PDSS2: variants seen among roughly 807,000 people sequenced by gnomAD.
PDSS2 encodes the protein decaprenyl diphosphate synthase subunit 2.
Under a neutral mutation model 44.5 loss-of-function variants are expected in PDSS2, and 31 were observed. That is an observed-to-expected ratio of 0.70 (90% confidence interval 0.52 to 0.94). The LOEUF is 0.94. PDSS2 is among the 40% of genes least tolerant of loss of function. The probability of loss-of-function intolerance (pLI) is 0.00; values close to 1 mark genes in which losing one functional copy is unlikely to be tolerated. For synonymous variants in PDSS2, 157 were observed against 180.3 expected (o/e 0.87, Z 1.03); for missense variants, 452 against 482.2 (o/e 0.94, Z 0.59).
chr6:107,311,412 T>C (rs1777043073), intron 2 of PDSS2, among the ~76,000 whole-genome samples: 1 of 152,094 alleles, frequency 6.6e-6, no homozygotes, highest in Non-Finnish European at 1.5e-5. Flanking sequence ...TTCATTATGT[T>C]GCCCAGGCTA....
At chr6:107,165,250 C>T (rs1771300538) in intron 7 of PDSS2, among the ~76,000 whole-genome samples, 1 of 152,106 alleles carries the variant, frequency 6.6e-6, no homozygotes, top group Non-Finnish European at 1.5e-5. Context: ...GTGCCTATGT[C>T]CTGAATGGCA....
intron 2 of PDSS2, among the ~76,000 whole-genome samples, chr6:107,317,127 T>A (rs950103186): frequency 6.6e-6 from 1 of 151,786 alleles, no homozygotes; most frequent in African/African-American, 2.4e-5. Context: ...GACAGAGGAG[T>A]ATGGCCAACC....
chr6:107,239,338 G>A (rs1478136434), intron 4 of PDSS2, among the ~76,000 whole-genome samples: 1 of 152,054 alleles, frequency 6.6e-6, no homozygotes, highest in Non-Finnish European at 1.5e-5. Context: ...CCCAAAATGT[G>A]AAATTGTTCA....
intron 1 of PDSS2, among the ~76,000 whole-genome samples, chr6:107,335,390 G>C (rs1293323250): frequency 6.6e-6 from 1 of 152,162 alleles, no homozygotes; most frequent in Non-Finnish European, 1.5e-5. Context: ...GATGACGGTG[G>C]TAAACAGTAG....
chr6:107,242,353 T>A (rs1774465468), intron 4 of PDSS2, among the ~76,000 whole-genome samples: 1 of 152,072 alleles, frequency 6.6e-6, no homozygotes. Context: ...AAGCTCCGCC[T>A]CCTGGGTTCA....
intron 2 of PDSS2, among the ~76,000 whole-genome samples, chr6:107,307,395 A>G (rs912623866): frequency 6.6e-6 from 1 of 152,216 alleles, no homozygotes; most frequent in African/African-American, 2.4e-5. Flanking sequence ...CATTCAAATC[A>G]GCGTACTTGA....
chr6:107,197,804 A>G (rs1336654433), intron 6 of PDSS2: 5 of 470,884 alleles, frequency 1.1e-5, no homozygotes, highest in Admixed American at 2.4e-5. Context: ...TGCTCTCTCA[A>G]TATTCTCATC....
At chr6:107,289,575 G>A (rs1018935713) in intron 2 of PDSS2, among the ~76,000 whole-genome samples, 1 of 150,918 alleles carries the variant, frequency 6.6e-6, no homozygotes, top group Admixed American at 6.6e-5. Flanking sequence ...GTGTGCCCTT[G>A]TCCTAGCTAC....
intron 7 of PDSS2, among the ~76,000 whole-genome samples, chr6:107,164,955 T>C (rs1771287297): frequency 6.6e-6 from 1 of 152,244 alleles, no homozygotes; most frequent in Non-Finnish European, 1.5e-5. Context: ...ATTGGCTGCA[T>C]AAATGTCTTC....
chr6:107,261,845 C>T (rs1775240608), intron 3 of PDSS2, among the ~76,000 whole-genome samples: 1 of 150,406 alleles, frequency 6.6e-6, no homozygotes, highest in South Asian at 2.1e-4. Context: ...TCCCAATGTG[C>T]TAGAATTACA....
intron 1 of PDSS2, among the ~76,000 whole-genome samples, chr6:107,367,243 A>T (rs1486888146): frequency 6.6e-6 from 1 of 152,236 alleles, no homozygotes; most frequent in South Asian, 2.1e-4. Context: ...AATAAAGGAC[A>T]AAAAACACAT....
chr6:107,294,313 T>C (rs762013436), intron 2 of PDSS2, among the ~76,000 whole-genome samples: 2 of 152,154 alleles, frequency 1.3e-5, no homozygotes, highest in Non-Finnish European at 2.9e-5. Flanking sequence ...AACCTAGGTA[T>C]CTAGAGACAC....
chr6:107,381,640 T>C (rs922590595), intron 1 of PDSS2, among the ~76,000 whole-genome samples: 1 of 152,222 alleles, frequency 6.6e-6, no homozygotes, highest in South Asian at 2.1e-4. Flanking sequence ...TCCAGTTTCA[T>C]GAAACTCAAC....
At chr6:107,160,694 T>C (rs1330305503) in intron 7 of PDSS2, among the ~76,000 whole-genome samples, 1 of 149,640 alleles carries the variant, frequency 6.7e-6, no homozygotes, top group Non-Finnish European at 1.5e-5. Context: ...GGCTTGGGAG[T>C]AGCAAGGAAA....
chr6:107,201,470 C>G (rs1772774946), intron 6 of PDSS2, among the ~76,000 whole-genome samples: 1 of 147,696 alleles, frequency 6.8e-6, no homozygotes, highest in African/African-American at 2.5e-5. Flanking sequence ...GGTTTATATA[C>G]CAGTCTCTGT....
chr6:107,397,461 G>C (rs1281060706), intron 1 of PDSS2, among the ~76,000 whole-genome samples: 1 of 152,156 alleles, frequency 6.6e-6, no homozygotes, highest in Non-Finnish European at 1.5e-5. Flanking sequence ...CTTTTGACCT[G>C]TGAGTACATG....
At chr6:107,408,668 TCTGCCACACCTA>T (rs1324765843) in intron 1 of PDSS2, among the ~76,000 whole-genome samples, 2 of 152,196 alleles carry the variant, frequency 1.3e-5, no homozygotes, top group Non-Finnish European at 2.9e-5. Context: ...CTGGAATGCT[TCTGCCACACCTA>T]CAGAAGCACT....
Position 107,289,362 on chromosome 6 carries a change from G to T in PDSS2, c.432-15135C>A, listed in dbSNP as rs1467591755. Among the ~76,000 whole-genome samples the T allele has an allele frequency of 2.3e-5, 3 of 131,738 alleles. 1 individual carries two copies. Among genetic ancestry groups the T allele is most frequent in the South Asian group, 5.1e-4 (2 of 3,944 alleles). 86.4% of individuals were successfully genotyped at this position (131,738 alleles called of 152,430 possible). On this transcript the variant is annotated intron_variant, in intron 2 of 7. Coordinates refer to ENST00000369037, the MANE Select transcript of PDSS2 (RefSeq NM_020381.4). ...CACTCCAGCCTGGGTAACAGAGCGA[G>T]ACTCTGTCTCAAAAAAAAAAAAAAG...
chr6:107,451,892 C>T (rs572102149), intron 1 of PDSS2, among the ~76,000 whole-genome samples: 4 of 152,274 alleles, frequency 2.6e-5, no homozygotes, highest in Admixed American at 6.5e-5. Flanking sequence ...GTGTTGGGCC[C>T]GATCACCTCA....
Sources: allele counts gnomAD v4.1 joint callset (sites outside exome capture counted in the v4.1 genomes callset), GRCh38; gene constraint gnomAD v4.1.1; transcripts MANE v1.5; gene names NCBI Gene and HGNC (gene_info 2026-07-23, HGNC 2026-07-21).